Variants in PIK3C2G observed in about 807,000 individuals in gnomAD.
The protein encoded by PIK3C2G is phosphatidylinositol-4-phosphate 3-kinase catalytic subunit type 2 gamma, also known as phosphatidylinositol 3-kinase C2 domain-containing subunit gamma.
PIK3C2G carries 168 observed loss-of-function variants against 181.1 expected under a neutral mutation model. That is an observed-to-expected ratio of 0.93 (90% CI 0.82 to 1.05). The LOEUF is 1.05. Ranked by LOEUF, PIK3C2G falls within the 50% of genes least tolerant of loss-of-function variation. PIK3C2G has a pLI of 0.00. For synonymous variants in PIK3C2G, 573 were observed against 592.2 expected (o/e 0.97, Z 0.47); for missense variants, 1,869 against 1,732.8 (o/e 1.08, Z -1.40).
intron 18 of PIK3C2G, among the ~76,000 whole-genome samples, chr12:18,464,169 A>C (rs1357067560): frequency 6.6e-6 from 1 of 152,078 alleles, no homozygotes; most frequent in Non-Finnish European, 1.5e-5. Context: ...TATGCCCTAA[A>C]GTACTGTTAT....
chr12:18,627,883 G>A (rs1949173805), intron 31 of PIK3C2G, among the ~76,000 whole-genome samples: 1 of 152,098 alleles, frequency 6.6e-6, no homozygotes, highest in Non-Finnish European at 1.5e-5. Context: ...CCTATGATTG[G>A]AGACATTTAA....
chr12:18,325,176 A>G, intron 8 of PIK3C2G, 78 bp downstream of exon 8: 1 of 754,632 alleles, frequency 1.3e-6, no homozygotes, highest in Non-Finnish European at 2.2e-6. Flanking sequence ...AACTTTGCAA[A>G]TTTTGAAGAT....
At chr12:18,529,028 G>A (rs1056349042) in intron 24 of PIK3C2G, among the ~76,000 whole-genome samples, 1 of 152,056 alleles carries the variant, frequency 6.6e-6, no homozygotes, top group Non-Finnish European at 1.5e-5. Flanking sequence ...CAAAGTTGTA[G>A]GTAATAAGTA....
intron 1 of PIK3C2G, among the ~76,000 whole-genome samples, chr12:18,270,575 T>C (rs1367289245): frequency 6.6e-6 from 1 of 152,174 alleles, no homozygotes; most frequent in Non-Finnish European, 1.5e-5. Context: ...CCAATGTTTA[T>C]TGGACCAGTA....
intron 5 of PIK3C2G, among the ~76,000 whole-genome samples, chr12:18,296,746 TCA>T (rs1660205291): frequency 6.6e-6 from 1 of 152,068 alleles, no homozygotes; most frequent in African/African-American, 2.4e-5. Flanking sequence ...TCTCTCTCTC[TCA>T]CTTTCTTACT....
At chr12:18,569,874 A>G (rs2136368790) in intron 29 of PIK3C2G, among the ~76,000 whole-genome samples, 1 of 152,204 alleles carries the variant, frequency 6.6e-6, no homozygotes, top group East Asian at 1.9e-4. Flanking sequence ...ATCTTCTTTC[A>G]TGAAGTGCCA....
chr12:18,325,706 C>CAAAAAAAAAAAAAA (rs34711642), intron 8 of PIK3C2G, among the ~76,000 whole-genome samples: 12 of 61,616 alleles, frequency 1.9e-4, no homozygotes, highest in African/African-American at 6.6e-4. Flanking sequence ...GACTCAGTCT[C>CAAAAAAAAAAAAAA]AAAAAAAAAA....
At chr12:18,298,851 G>C (rs1463301512) in intron 5 of PIK3C2G, among the ~76,000 whole-genome samples, 2 of 151,786 alleles carry the variant, frequency 1.3e-5, no homozygotes, top group African/African-American at 4.8e-5. Context: ...AAAATCACTA[G>C]GCTATAAATA....
At chr12:18,655,026 C>T in the PIK3C2G span, among the ~76,000 whole-genome samples, 2 of 147,930 alleles carry the variant, frequency 1.4e-5, no homozygotes, top group Non-Finnish European at 3.0e-5. Context: ...CCAGCCGAAA[C>T]AGTCTTAAAA....
At chr12:18,582,209 ACACATTGGGATTCAT>A (rs1456168249) in intron 29 of PIK3C2G, among the ~76,000 whole-genome samples, 1 of 152,174 alleles carries the variant, frequency 6.6e-6, no homozygotes, top group African/African-American at 2.4e-5. Context: ...ATCCGGGCTC[ACACATTGGGATTCAT>A]CAAGAAAACG....
intron 9 of PIK3C2G, among the ~76,000 whole-genome samples, chr12:18,339,668 T>C (rs1197985491): frequency 1.3e-5 from 2 of 152,184 alleles, no homozygotes; most frequent in East Asian, 1.9e-4. Flanking sequence ...TTACTGCTTA[T>C]TGTTTCAAAT....
intron 5 of PIK3C2G, among the ~76,000 whole-genome samples, chr12:18,311,418 A>G (rs1272660008): frequency 1.3e-5 from 2 of 152,030 alleles, no homozygotes; most frequent in Admixed American, 6.6e-5. Flanking sequence ...ACACTCATAT[A>G]CACACACACC....
intron 18 of PIK3C2G, among the ~76,000 whole-genome samples, chr12:18,477,785 T>C (rs1939154498): frequency 6.6e-6 from 1 of 152,154 alleles, no homozygotes; most frequent in Admixed American, 6.6e-5. Flanking sequence ...GAGAAGCACC[T>C]GCCCCAGCTG....
intron 22 of PIK3C2G, among the ~76,000 whole-genome samples, chr12:18,500,197 G>A (rs917722649): frequency 7.2e-5 from 11 of 152,168 alleles, no homozygotes; most frequent in Non-Finnish European, 1.5e-4. Flanking sequence ...CCGGCCGGCT[G>A]GAGTTCCAGG....
the PIK3C2G span, among the ~76,000 whole-genome samples, chr12:18,687,589 C>T: frequency 1.4e-3 from 217 of 152,204 alleles, 1 homozygote; most frequent in African/African-American, 5.0e-3. Context: ...TTCTTCACTT[C>T]CCTTATGGCA....
intron 31 of PIK3C2G, among the ~76,000 whole-genome samples, chr12:18,615,096 G>T (rs1948532870): frequency 1.3e-5 from 2 of 151,904 alleles, no homozygotes; most frequent in Admixed American, 1.3e-4. Flanking sequence ...TACCCAATGT[G>T]TAGTCTTTTA....
intron 14 of PIK3C2G, among the ~76,000 whole-genome samples, chr12:18,382,177 T>C (rs549059196): frequency 1.3e-5 from 2 of 152,200 alleles, no homozygotes; most frequent in African/African-American, 2.4e-5. Context: ...TTTCTTTCTA[T>C]TGTCTAAAAA....
At chr12:18,713,082 TA>T in the PIK3C2G span, 1 of 1,440,486 alleles carries the variant, frequency 6.9e-7, no homozygotes. Flanking sequence ...GATTTTATAA[TA>T]AATGCATAAA....
In PIK3C2G at chr12:18,457,241, G is replaced by A. The variant is rs184102568; in HGVS notation, c.2505-31208G>A. Among the ~76,000 whole-genome samples the A allele has an allele frequency of 1.5e-3, 234 of 152,186 alleles. 1 individual carries two copies. Among genetic ancestry groups the A allele is most frequent in the African/African-American group, 5.3e-3 (219 of 41,530 alleles). ...ACATATAAATATAAAATTGATGTTC[G>A]CAGAGAATAGTTAAGTGCTTTCCTT... On this transcript the variant is annotated intron_variant, in intron 18 of 32. Transcript: ENST00000538779.
Sources: allele counts gnomAD v4.1 joint callset (sites outside exome capture counted in the v4.1 genomes callset), GRCh38; gene constraint gnomAD v4.1.1; transcripts MANE v1.5; gene names NCBI Gene and HGNC (gene_info 2026-07-23, HGNC 2026-07-21).